Variants in MYO16 observed in about 807,000 individuals in gnomAD.
MYO16 encodes unconventional myosin-XVI.
A neutral mutation model predicts 205.3 loss-of-function variants in MYO16; 94 were observed. That is an observed-to-expected ratio of 0.46 (90% CI 0.39 to 0.54). MYO16 has a LOEUF of 0.54. MYO16 is among the 20% of genes least tolerant of loss of function. The pLI, the probability that MYO16 is intolerant of heterozygous loss-of-function variation, is 0.00. For missense variants in MYO16, 2,315 were observed against 2,387.5 expected (o/e 0.97, Z 0.63); for synonymous variants, 988 against 954.0 (o/e 1.04, Z -0.66).
At chr13:108,753,136 G>A (rs1312032411) in intron 4 of MYO16, among the ~76,000 whole-genome samples, 5 of 151,590 alleles carry the variant, frequency 3.3e-5, no homozygotes, top group South Asian at 2.1e-4. Flanking sequence ...TTGGGAGGCC[G>A]AGGTGGGTGG....
chr13:108,799,371 G>A (rs932800597), intron 6 of MYO16, among the ~76,000 whole-genome samples: 1 of 152,102 alleles, frequency 6.6e-6, no homozygotes, highest in Admixed American at 6.5e-5. Flanking sequence ...TTGAAATACA[G>A]TCATCATAAT....
chr13:108,576,099 G>A, the MYO16 span, among the ~76,000 whole-genome samples: 2 of 152,138 alleles, frequency 1.3e-5, no homozygotes, highest in African/African-American at 2.4e-5. Context: ...GAACACGTAA[G>A]TCATGCTCAG....
At chr13:109,063,940 A>G (rs1392518247) in intron 27 of MYO16, among the ~76,000 whole-genome samples, 2 of 152,148 alleles carry the variant, frequency 1.3e-5, no homozygotes, top group Non-Finnish European at 2.9e-5. Flanking sequence ...AAGACATTTT[A>G]TAAAATACCA....
intron 13 of MYO16, 138 bp from the exon 14 acceptor site, chr13:108,888,234 C>A: frequency 1.7e-6 from 1 of 572,148 alleles, no homozygotes; most frequent in Non-Finnish European, 3.1e-6. Context: ...GTGCCATTCC[C>A]TCCTCATTTC....
At chr13:108,600,433 G>A (rs886933539) in intron 1 of MYO16, among the ~76,000 whole-genome samples, 3 of 152,176 alleles carry the variant, frequency 2.0e-5, no homozygotes, top group Non-Finnish European at 2.9e-5. Context: ...AGTACCTTGT[G>A]AGAAGCCAAT....
At chr13:108,579,441 A>T in the MYO16 span, among the ~76,000 whole-genome samples, 2 of 139,494 alleles carry the variant, frequency 1.4e-5, no homozygotes, top group East Asian at 4.2e-4. Context: ...AAAGGCAAGA[A>T]TTTTTTTTTT....
At chr13:109,142,376 T>C (rs1450180395) in intron 32 of MYO16, among the ~76,000 whole-genome samples, 1 of 152,192 alleles carries the variant, frequency 6.6e-6, no homozygotes. Flanking sequence ...TCCATCATGA[T>C]GGCACTGGAT....
Position 109,168,490 on chromosome 13 carries a change from G to A in MYO16, c.5323+3431G>A, listed in dbSNP as rs546889296. 7.9e-5 allele frequency among the ~76,000 whole-genome samples: 12 copies of A among 152,296 alleles called. No individual in the cohort carries two copies. The East Asian group carries it at 1.4e-3, about 17-fold the overall frequency. On this transcript the variant is annotated intron_variant, in intron 33 of 34. Transcript: ENST00000457511. ...TGCAATCCCAGCACTTTGGGAGGCCGAGGCAGGCAGATCACCTGAGGTCAG... is the reference window on the plus strand; with the variant it reads ...TGCAATCCCAGCACTTTGGGAGGCCAAGGCAGGCAGATCACCTGAGGTCAG...
chr13:108,997,800 C>G (rs554343922), intron 21 of MYO16, among the ~76,000 whole-genome samples: 69 of 152,100 alleles, frequency 4.5e-4, no homozygotes, highest in Non-Finnish European at 8.7e-4. Context: ...ATCGCACCAC[C>G]GTACTCCAGC....
At position 108,751,653 on chromosome 13, in the gene MYO16, C is replaced by T. The variant is rs147489106; in HGVS notation, c.507+24070C>T. On this transcript the variant is annotated intron_variant, in intron 4 of 34. Transcript: ENST00000457511. ...CAGGGGAGAGACTTGATAAAGACTA[C>T]GTCAGTCAAGTCTCAAGAGTGGCAA... Among the ~76,000 whole-genome samples the T allele has an allele frequency of 2.0e-4, 30 of 152,132 alleles. 1 individual carries two copies. The East Asian group carries it at 4.9e-3, about 25-fold the overall frequency.
At chr13:108,888,291 A>G (rs1208917915) in intron 13 of MYO16, 81 bp from the exon 14 acceptor site, 5 of 943,224 alleles carry the variant, frequency 5.3e-6, no homozygotes, top group African/African-American at 5.1e-5. Flanking sequence ...TGTTCCTTCA[A>G]AGTAGTTTCA....
rs1466798300 is a variant in MYO16 at position 109,055,126 on chromosome 13, G to T, written c.3129G>T (p.Arg1043Ser). Residue 1043 changes from arginine to serine, a missense_variant and splice_region_variant, in exon 26 of 35, where the codon AGG becomes AGT. Physicochemically the swap from Arg to Ser is moderately radical, Grantham distance 110. Transcript: ENST00000457511. The surrounding 1 kb of genome is among the most constrained non-coding windows in gnomAD (Gnocchi z 5.0). ...GDPVTIASQL[R>S]KSLMDIIGKL... ...CAGTCACCATAGCATCACAACTCAG[G>T]GTTAGTGACGTTTTCAGATTTCAAA... 1 of 1,568,694 alleles carries T rather than the reference G, an allele frequency of 6.4e-7. No homozygotes were observed. The highest frequency in any genetic ancestry group is 8.6e-7 in the Non-Finnish European group (1 of 1,160,692).
intron 4 of MYO16, among the ~76,000 whole-genome samples, chr13:108,756,454 G>A (rs1276030025): frequency 6.6e-6 from 1 of 152,010 alleles, no homozygotes; most frequent in East Asian, 1.9e-4. Flanking sequence ...AAAACTTTCT[G>A]TGATTTACTC....
chr13:109,127,540 G>T lies in MYO16; in HGVS notation c.4041G>T (p.Ala1347=), dbSNP rs201341139. ...CCTGCCTCTCCGCGGCCAGGGAAGC[G>T]GCCAACGAAGGTCAGCCCTGGGGAG... ...VSACLSAARE[A]ANEALARPRP... is the part of the protein sequence containing the mutation. Residue 1347 remains alanine (A), a synonymous_variant, in exon 31 of 35, where the codon GCG becomes GCT. Coordinates refer to ENST00000457511, the MANE Select transcript of MYO16 (RefSeq NM_001198950.3). This position sits in a 1 kb window ranked among gnomAD's most constrained non-coding sequence, Gnocchi z 4.2. The T allele has an allele frequency of 2.4e-4, 391 of 1,610,028 alleles. 3 individuals are homozygous for T. The Middle Eastern group carries it at 0.01, about 43-fold the overall frequency.
the MYO16 span, among the ~76,000 whole-genome samples, chr13:108,546,422 G>A: frequency 6.6e-6 from 1 of 152,290 alleles, no homozygotes; most frequent in Non-Finnish European, 1.5e-5. Context: ...GCAGTTTAAA[G>A]TGTGTAATGT....
In MYO16 at chr13:109,162,556, T is replaced by G. The variant is rs1004879458; in HGVS notation, c.5165-2345T>G. 1.3e-5 allele frequency among the ~76,000 whole-genome samples: 2 copies of G among 152,186 alleles called. No homozygotes were observed. The highest frequency in any genetic ancestry group is 2.4e-5 in the African/African-American group (1 of 41,434). On this transcript the variant is annotated intron_variant, in intron 32 of 34. Transcript: ENST00000457511. This position sits in a 1 kb window ranked among gnomAD's most constrained non-coding sequence, Gnocchi z 4.6. ...CTGGCTGCCCACCAGTGTTTTCCAC[T>G]TACTAGGTTTTCCACGTAGCTGTGA...
chr13:109,133,172 C>T (rs898835726), intron 31 of MYO16, among the ~76,000 whole-genome samples: 1 of 152,176 alleles, frequency 6.6e-6, no homozygotes, highest in African/African-American at 2.4e-5. Flanking sequence ...TAAATCTATC[C>T]TACATCCACT....
intron 7 of MYO16, 92 bp from the exon 8 acceptor site, chr13:108,820,245 G>A (rs921243042): frequency 4.1e-5 from 36 of 876,794 alleles, no homozygotes; most frequent in Middle Eastern, 2.3e-4. Context: ...GTCTCATGCC[G>A]GCTGTTAGTT....
At chr13:108,745,642 A>C (rs1285568435) in intron 4 of MYO16, among the ~76,000 whole-genome samples, 1 of 152,170 alleles carries the variant, frequency 6.6e-6, no homozygotes, top group African/African-American at 2.4e-5. Context: ...TTTCAATGAA[A>C]AATTAAAAGA....
Sources: allele counts gnomAD v4.1 joint callset (sites outside exome capture counted in the v4.1 genomes callset), GRCh38; gene constraint gnomAD v4.1.1; non-coding constraint Gnocchi (gnomAD v3.1); transcripts MANE v1.5; gene names NCBI Gene and HGNC (gene_info 2026-07-23, HGNC 2026-07-21).